The following OPCML variants were observed in gnomAD, a reference collection of about 807,000 sequenced individuals.
The protein encoded by OPCML is opioid-binding protein/cell adhesion molecule.
In OPCML, 13 loss-of-function variants were observed where a neutral mutation model predicts 37.8. The observed-to-expected ratio is 0.34, with a 90% CI of 0.22 to 0.55. OPCML has a LOEUF of 0.55. OPCML is among the 20% of genes least tolerant of loss of function. The pLI is 0.91. For missense variants in OPCML, 341 were observed against 435.6 expected, an observed-to-expected ratio of 0.78 and a Z score of 1.93; for synonymous variants, 176 against 168.8, an observed-to-expected ratio of 1.04 and a Z score of -0.33.
chr11:133,229,672 T>G (rs1940192311), intron 1 of OPCML, among the ~76,000 whole-genome samples: 1 of 152,126 alleles, frequency 6.6e-6, no homozygotes. Context: ...AAAAAAAAGA[T>G]GTACATAGTA....
chr11:133,093,223 C>A (rs1014271819), intron 1 of OPCML, among the ~76,000 whole-genome samples: 5 of 151,252 alleles, frequency 3.3e-5, no homozygotes, highest in Admixed American at 6.6e-5. Context: ...CCTTGCCAAC[C>A]CCCCCAACCT....
intron 1 of OPCML, among the ~76,000 whole-genome samples, chr11:133,023,372 C>A (rs754882935): frequency 3.3e-5 from 5 of 152,176 alleles, no homozygotes; most frequent in Non-Finnish European, 7.3e-5. Context: ...AGCATCATTA[C>A]GTCCGCTAAG....
intron 2 of OPCML, among the ~76,000 whole-genome samples, chr11:132,677,376 A>G (rs1942756069): frequency 6.6e-6 from 1 of 152,144 alleles, no homozygotes; most frequent in Non-Finnish European, 1.5e-5. Flanking sequence ...GAAAGCTATG[A>G]AAGTTATTTT....
chr11:132,794,893 C>T (rs1284860400), intron 2 of OPCML, among the ~76,000 whole-genome samples: 6 of 114,714 alleles, frequency 5.2e-5, no homozygotes, highest in Non-Finnish European at 1.1e-4. Flanking sequence ...ATGAAAATAT[C>T]ATGAGTAAAA....
chr11:133,503,254 T>C (rs1947955296), intron 1 of OPCML, among the ~76,000 whole-genome samples: 1 of 152,188 alleles, frequency 6.6e-6, no homozygotes, highest in African/African-American at 2.4e-5. Context: ...TCCCTGGCCC[T>C]ATGAGCTCTG....
At chr11:132,816,708 T>C (rs1422616801) in intron 2 of OPCML, among the ~76,000 whole-genome samples, 1 of 152,186 alleles carries the variant, frequency 6.6e-6, no homozygotes, top group Admixed American at 6.5e-5. Context: ...GTTGTGGGAC[T>C]GCATTTTCAT....
intron 1 of OPCML, among the ~76,000 whole-genome samples, chr11:133,224,913 A>G (rs566332398): frequency 6.6e-6 from 1 of 152,188 alleles, no homozygotes; most frequent in East Asian, 1.9e-4. Flanking sequence ...GCTTTTCCAT[A>G]TCTCTTCCCT....
At chr11:133,287,936 G>A (rs1196422169) in intron 1 of OPCML, among the ~76,000 whole-genome samples, 1 of 152,186 alleles carries the variant, frequency 6.6e-6, no homozygotes, top group South Asian at 2.1e-4. Context: ...CCCGCACCAC[G>A]GCAGTCTTCT....
At chr11:133,506,942 C>A (rs1452304283) in intron 1 of OPCML, among the ~76,000 whole-genome samples, 1 of 152,230 alleles carries the variant, frequency 6.6e-6, no homozygotes, top group Non-Finnish European at 1.5e-5. Context: ...ACAGTGCCCC[C>A]ACTCATCCAC....
At chr11:132,477,095 T>G (rs1447327863) in intron 4 of OPCML, among the ~76,000 whole-genome samples, 1 of 152,220 alleles carries the variant, frequency 6.6e-6, no homozygotes, top group Non-Finnish European at 1.5e-5. Flanking sequence ...ATGTTCACCC[T>G]GTGGTTCCCA....
chr11:132,938,270 A>G (rs1415991738), intron 2 of OPCML, among the ~76,000 whole-genome samples: 4 of 152,044 alleles, frequency 2.6e-5, no homozygotes, highest in Non-Finnish European at 5.9e-5. Flanking sequence ...CAGACTAACC[A>G]TAACCACACA....
intron 1 of OPCML, among the ~76,000 whole-genome samples, chr11:133,201,871 T>A (rs1269946423): frequency 6.6e-6 from 1 of 152,188 alleles, no homozygotes; most frequent in Non-Finnish European, 1.5e-5. Context: ...ACCTCCTAAC[T>A]TTTTAGGTCA....
At chr11:132,899,993 A>T (rs1943992923) in intron 2 of OPCML, among the ~76,000 whole-genome samples, 1 of 152,100 alleles carries the variant, frequency 6.6e-6, no homozygotes, top group Non-Finnish European at 1.5e-5. Flanking sequence ...AGGGTCCCCC[A>T]TATGTAGACG....
chr11:132,582,955 C>G (rs1412299060), intron 3 of OPCML, among the ~76,000 whole-genome samples: 1 of 149,102 alleles, frequency 6.7e-6, no homozygotes. Flanking sequence ...AATGCATTCT[C>G]CTACTTCAGC....
chr11:133,437,011 G>A (rs2136928783), intron 1 of OPCML, among the ~76,000 whole-genome samples: 1 of 152,276 alleles, frequency 6.6e-6, no homozygotes, highest in Non-Finnish European at 1.5e-5. Flanking sequence ...CATGAGCCCA[G>A]CCATCACCCT....
chr11:133,084,965 A>G (rs1948796978), intron 1 of OPCML, among the ~76,000 whole-genome samples: 1 of 152,150 alleles, frequency 6.6e-6, no homozygotes, highest in African/African-American at 2.4e-5. Flanking sequence ...TTACCTACCA[A>G]ATAAAGATTA....
In OPCML at chr11:132,549,120, C is replaced by T. The variant is rs113208970; in HGVS notation, c.380-19934G>A. 6.9e-3 allele frequency among the ~76,000 whole-genome samples: 1,052 copies of T among 152,138 alleles called. 19 individuals are homozygous for T. The highest frequency in any genetic ancestry group is 0.024 in the African/African-American group (977 of 41,496). On this transcript the variant is annotated intron_variant, in intron 3 of 7. Coordinates refer to ENST00000524381, the MANE Select transcript of OPCML (RefSeq NM_001012393.5). ...CTGACACAGTTCATAAAGATCACGCCGATAAAACAGGATGTGGTAAAGACG... is the reference window on the plus strand; with the variant it reads ...CTGACACAGTTCATAAAGATCACGCTGATAAAACAGGATGTGGTAAAGACG...
chr11:133,064,387 A>G (rs1270376191), intron 1 of OPCML, among the ~76,000 whole-genome samples: 2 of 152,188 alleles, frequency 1.3e-5, no homozygotes, highest in African/African-American at 4.8e-5. Flanking sequence ...CTCCGCAGGG[A>G]GCATTCCCGT....
At chr11:132,801,023 G>A (rs1938618798) in intron 2 of OPCML, among the ~76,000 whole-genome samples, 1 of 152,134 alleles carries the variant, frequency 6.6e-6, no homozygotes, top group Non-Finnish European at 1.5e-5. Context: ...ACCGGGGCAT[G>A]GGCTTTTCCC....
Sources: allele counts gnomAD v4.1 joint callset (sites outside exome capture counted in the v4.1 genomes callset), GRCh38; gene constraint gnomAD v4.1.1; transcripts MANE v1.5; gene names NCBI Gene and HGNC (gene_info 2026-07-23, HGNC 2026-07-21).